Variants in MACROD2 observed in about 807,000 individuals in gnomAD.
The protein encoded by MACROD2 is mono-ADP ribosylhydrolase 2.
Under a neutral mutation model 70.4 loss-of-function variants are expected in MACROD2, and 36 were observed. The ratio of observed to expected loss-of-function variants is 0.51; its 90% confidence interval spans 0.39 to 0.68. MACROD2 has a LOEUF of 0.68. Among genes scored for constraint, MACROD2 ranks in the 30% least tolerant of loss-of-function variants. The pLI is 0.00. For missense variants in MACROD2, 496 were observed against 538.4 expected (o/e 0.92, Z 0.78); for synonymous variants, 172 against 178.8 (o/e 0.96, Z 0.30).
intron 8 of MACROD2, among the ~76,000 whole-genome samples, chr20:15,623,679 C>CCTAT (rs3071265): frequency 0.47 from 70,187 of 148,052 alleles, 16,498 homozygotes; most frequent in Non-Finnish European, 0.49. Context: ...AAGTTATCTG[C>CCTAT]CTATCTATCT....
intron 5 of MACROD2, among the ~76,000 whole-genome samples, chr20:14,745,728 C>T (rs2071791642): frequency 6.6e-6 from 1 of 152,028 alleles, no homozygotes. Context: ...GGCGATTTTA[C>T]CCCCACCCAG....
At chr20:15,647,694 A>G (rs2049569008) in intron 8 of MACROD2, among the ~76,000 whole-genome samples, 1 of 151,484 alleles carries the variant, frequency 6.6e-6, no homozygotes, top group African/African-American at 2.4e-5. Context: ...GCAGGTCACT[A>G]CCGTAAGTAA....
intron 5 of MACROD2, among the ~76,000 whole-genome samples, chr20:14,744,325 A>T (rs796318520): frequency 1.9e-4 from 29 of 152,284 alleles, no homozygotes; most frequent in African/African-American, 5.8e-4. Context: ...CTTTAAAAAA[A>T]TTTTTTAATT....
chr20:15,850,962 C>T (rs1017045112), intron 8 of MACROD2, among the ~76,000 whole-genome samples: 5 of 152,048 alleles, frequency 3.3e-5, no homozygotes, highest in African/African-American at 4.8e-5. Flanking sequence ...AAGCAAGGAG[C>T]GGGTAGCAGT....
At chr20:15,748,871 T>C (rs2051226107) in intron 8 of MACROD2, among the ~76,000 whole-genome samples, 1 of 152,154 alleles carries the variant, frequency 6.6e-6, no homozygotes, top group Non-Finnish European at 1.5e-5. Context: ...AGGGCTATAG[T>C]AAGAAGAGCA....
intron 3 of MACROD2, among the ~76,000 whole-genome samples, chr20:14,292,058 C>T (rs1185764845): frequency 6.6e-6 from 1 of 151,930 alleles, no homozygotes; most frequent in Non-Finnish European, 1.5e-5. Context: ...AATAGCATCT[C>T]AGAATTGTAG....
In MACROD2 at chr20:14,761,411, G is replaced by A. The variant is rs529082282; in HGVS notation, c.418+76452G>A. ...CTATACCTGAGGTTTAAAAGCTGAC[G>A]AATTGCTCATTTGATTGCCAGCATC... On this transcript the variant is annotated intron_variant, in intron 5 of 17. Coordinates refer to ENST00000684519, the MANE Select transcript of MACROD2 (RefSeq NM_001351661.2). Among the ~76,000 whole-genome samples, 240 of 152,166 alleles carry A rather than the reference G, an allele frequency of 1.6e-3. 1 individual carries two copies. The highest frequency in any genetic ancestry group is 5.5e-3 in the African/African-American group (229 of 41,478).
intron 3 of MACROD2, among the ~76,000 whole-genome samples, chr20:14,273,237 GT>G (rs2082214477): frequency 6.6e-6 from 1 of 152,088 alleles, no homozygotes. Flanking sequence ...TGACCACATA[GT>G]TGGATGTAAA....
chr20:14,787,159 A>T (rs936985103), intron 5 of MACROD2, among the ~76,000 whole-genome samples: 2 of 152,164 alleles, frequency 1.3e-5, no homozygotes, highest in Non-Finnish European at 2.9e-5. Context: ...ATTTGATTCA[A>T]TATTAAATGC....
chr20:14,518,213 A>G (rs73096677), intron 4 of MACROD2, among the ~76,000 whole-genome samples: 2,396 of 149,846 alleles, frequency 0.016, 33 homozygotes, highest in Non-Finnish European at 0.025. Flanking sequence ...AATATCCACT[A>G]TTATTTGATT....
At chr20:14,928,016 G>A (rs2074253987) in intron 5 of MACROD2, among the ~76,000 whole-genome samples, 2 of 152,212 alleles carry the variant, frequency 1.3e-5, no homozygotes, top group Non-Finnish European at 2.9e-5. Flanking sequence ...TTCTTAGGAT[G>A]ATGTGCTGCA....
rs1555794526 is a variant in MACROD2, at chr20:15,227,832, T to TG, written c.419-2108_419-2107insG. 3.5e-4 allele frequency among the ~76,000 whole-genome samples: 44 copies of TG among 124,772 alleles called. 3 individuals are homozygous for TG. The highest frequency in any genetic ancestry group is 7.9e-4 in the South Asian group (3 of 3,796). 81.9% of individuals were successfully genotyped at this position (124,772 alleles called of 152,430 possible). ...TGATAGAATTTCACCTGTTTTTTTT[T>TG]TTTTTTTTTTTTTTTTTCAAATTTA... On this transcript the variant is annotated intron_variant, in intron 5 of 17. Transcript: ENST00000684519.
chr20:15,911,190 G>A (rs1035304958), intron 10 of MACROD2, among the ~76,000 whole-genome samples: 13 of 152,166 alleles, frequency 8.5e-5, no homozygotes, highest in African/African-American at 2.9e-4. Flanking sequence ...CTCTGGGACC[G>A]GGAGGTGCAG....
At chr20:15,429,802 G>T (rs780201819) in intron 6 of MACROD2, among the ~76,000 whole-genome samples, 17 of 151,806 alleles carry the variant, frequency 1.1e-4, no homozygotes, top group Admixed American at 2.6e-4. Context: ...ATAGATTTAG[G>T]GGGTACAAGT....
chr20:14,065,465 A>G (rs2053744381), intron 2 of MACROD2, among the ~76,000 whole-genome samples: 1 of 152,168 alleles, frequency 6.6e-6, no homozygotes, highest in Admixed American at 6.5e-5. Context: ...GGGCATAATT[A>G]GTGTTTTTAC....
At chr20:16,008,782 A>ATTTG (rs1395689464) in intron 15 of MACROD2, among the ~76,000 whole-genome samples, 1 of 152,194 alleles carries the variant, frequency 6.6e-6, no homozygotes, top group African/African-American at 2.4e-5. Context: ...AAAACCTCTC[A>ATTTG]TTTGTTTGTG....
At chr20:15,557,685 A>T (rs2048185997) in intron 8 of MACROD2, among the ~76,000 whole-genome samples, 1 of 152,210 alleles carries the variant, frequency 6.6e-6, no homozygotes, top group Non-Finnish European at 1.5e-5. Flanking sequence ...TAGAGAGCAA[A>T]CTGAATTGGT....
chr20:15,258,428 A>T (rs1056176345), intron 6 of MACROD2, among the ~76,000 whole-genome samples: 1 of 152,104 alleles, frequency 6.6e-6, no homozygotes, highest in Non-Finnish European at 1.5e-5. Context: ...CTTTTATACC[A>T]TACTTTTACT....
At chr20:15,462,559 A>G (rs2146417144) in intron 7 of MACROD2, among the ~76,000 whole-genome samples, 1 of 152,312 alleles carries the variant, frequency 6.6e-6, no homozygotes, top group African/African-American at 2.4e-5. Flanking sequence ...AAGTTCTATT[A>G]ATATTATATT....
Sources: allele counts gnomAD v4.1 joint callset (sites outside exome capture counted in the v4.1 genomes callset), GRCh38; gene constraint gnomAD v4.1.1; transcripts MANE v1.5; gene names NCBI Gene and HGNC (gene_info 2026-07-23, HGNC 2026-07-21).